NRAP: variants seen among roughly 807,000 people sequenced by gnomAD.
NRAP encodes the protein nebulin-related-anchoring protein.
NRAP carries 189 observed loss-of-function variants against 225.9 expected under a neutral mutation model. That is an observed-to-expected ratio of 0.84 (90% CI 0.74 to 0.94). The LOEUF is 0.94. Ranked by LOEUF, NRAP falls within the 40% of genes least tolerant of loss-of-function variation. The pLI is 0.00. For synonymous variants in NRAP, 769 were observed against 790.7 expected, an observed-to-expected ratio of 0.97 and a Z score of 0.46; for missense variants, 2,176 against 2,168.7, an observed-to-expected ratio of 1.00 and a Z score of -0.07.
intron 3 of NRAP, among the ~76,000 whole-genome samples, chr10:113,660,396 C>T (rs776540546): frequency 2.6e-5 from 4 of 152,026 alleles, no homozygotes; most frequent in African/African-American, 9.7e-5. Context: ...CATATATATA[C>T]ACACATATAC....
intron 3 of NRAP, among the ~76,000 whole-genome samples, chr10:113,661,406 A>AG: frequency 6.6e-6 from 1 of 152,130 alleles, no homozygotes; most frequent in East Asian, 1.9e-4. Context: ...CAAGGTCACT[A>AG]CCTCTATCTC....
chr10:113,620,803 C>T, intron 24 of NRAP, 95 bp from the exon 25 acceptor site: 2 of 833,290 alleles, frequency 2.4e-6, no homozygotes, highest in Admixed American at 4.0e-5. Flanking sequence ...GCCTTGGTGC[C>T]AGCTGAGTCA....
chr10:113,646,006 C>T (rs1849485291), intron 10 of NRAP, 65 bp from the exon 11 acceptor site: 3 of 779,030 alleles, frequency 3.9e-6, no homozygotes, highest in Admixed American at 2.6e-5. Context: ...GGGAATTACT[C>T]CAAAGTTATC....
intron 28 of NRAP, 66 bp from the exon 29 acceptor site, chr10:113,614,362 G>T: frequency 9.1e-7 from 1 of 1,093,348 alleles, no homozygotes; most frequent in Non-Finnish European, 1.4e-6. Context: ...GGAAGAGGTG[G>T]GCATTGGGTG....
chr10:113,648,467 C>CTCTATA (rs749486311), intron 9 of NRAP, among the ~76,000 whole-genome samples: 2,327 of 87,222 alleles, frequency 0.027, 51 homozygotes, highest in Non-Finnish European at 0.032. Context: ...CTCTCTCTCT[C>CTCTATA]TATATATATA....
At chr10:113,645,568 C>A in intron 11 of NRAP, among the ~76,000 whole-genome samples, 1 of 152,170 alleles carries the variant, frequency 6.6e-6, no homozygotes, top group East Asian at 1.9e-4. Flanking sequence ...CAGTCATGCG[C>A]CACCACACCC....
chr10:113,641,524 G>T, intron 12 of NRAP, 52 bp from the exon 13 acceptor site: 1 of 1,054,706 alleles, frequency 9.5e-7, no homozygotes, highest in Non-Finnish European at 1.5e-6. Context: ...ACAAGTAGTT[G>T]AAGATAAACT....
chr10:113,622,213 G>C (rs1229303316), intron 23 of NRAP, 33 bp from the exon 24 acceptor site: 1 of 1,471,868 alleles, frequency 6.8e-7, no homozygotes, highest in Non-Finnish European at 9.5e-7. Flanking sequence ...GGATACATTA[G>C]AACCTCCTAA....
rs11446517 is a variant in NRAP, at chr10:113,620,724, G to GAAAA, written c.2770-20_2770-17dup. The GAAAA allele has an allele frequency of 8.2e-7, 1 of 1,214,854 alleles. No homozygotes were observed. Among genetic ancestry groups the GAAAA allele is most frequent in the Non-Finnish European group, 1.1e-6 (1 of 870,744 alleles). 75.3% of individuals were successfully genotyped at this position (1,214,854 alleles called of 1,614,324 possible). A position where few individuals can be genotyped will look rare whatever the true frequency, so the allele number is the denominator to read the frequency against. The stretch of plus-strand genomic sequence containing the variant: ...TGTATTGGTTCTGACAAAGGAGAAA[G>GAAAA]AAAAAAAAAAAAAGCAGGCCATTGT... On this transcript the variant is annotated splice_polypyrimidine_tract_variant and intron_variant, in intron 24 of 41. Coordinates refer to ENST00000359988, the MANE Select transcript of NRAP (RefSeq NM_198060.4).
chr10:113,646,642 C>T (rs1849527059), intron 10 of NRAP, among the ~76,000 whole-genome samples: 1 of 152,174 alleles, frequency 6.6e-6, no homozygotes, highest in Admixed American at 6.5e-5. Context: ...TCTAATTGGG[C>T]CATTTGGCAA....
Position 113,598,324 on chromosome 10 carries a change from C to T in NRAP, c.4228-251G>A, listed in dbSNP as rs184891166. ...ACCAGTGAATTGGCAGGATTTAAAG[C>T]GAGAGTAACAACCTATGTGGACGAT... On this transcript the variant is annotated intron_variant, in intron 35 of 41. Coordinates refer to ENST00000359988, the MANE Select transcript of NRAP (RefSeq NM_198060.4). Among the ~76,000 whole-genome samples the T allele has an allele frequency of 1.1e-4, 16 of 149,168 alleles. No individual in the cohort carries two copies. The East Asian group carries it at 2.2e-3, about 20-fold the overall frequency.
chr10:113,610,222 C>A (rs1284038205), intron 31 of NRAP, among the ~76,000 whole-genome samples: 2 of 151,760 alleles, frequency 1.3e-5, no homozygotes, highest in Non-Finnish European at 2.9e-5. Flanking sequence ...TGGTGGCACT[C>A]ACCTGTAATC....
rs117471156 is a variant in NRAP, at chr10:113,593,563, G to T, written c.4537-1262C>A. Among the ~76,000 whole-genome samples the T allele has an allele frequency of 1.6e-4, 25 of 152,288 alleles. 1 individual carries two copies. In the East Asian group the frequency reaches 4.8e-3, roughly 29 times the overall value. ...TGGAAATGCAGAACCGTTCGTTCCT[G>T]GGATAATCACCTAACTGATGAATCA... is the stretch of plus-strand genomic sequence containing the variant. On this transcript the variant is annotated intron_variant, in intron 38 of 41. Transcript: ENST00000359988.
At position 113,626,104 on chromosome 10, in the gene NRAP, G is replaced by T; in HGVS notation, c.2187C>A (p.Ser729Arg). The change falls in exon 21 of 42, where the codon AGC (serine) becomes AGA (arginine). Residue 729 changes from serine (S) to arginine (R), a missense_variant. Around this residue, in one of 3 missense-constraint regions of NRAP, gnomAD observed 1,708 missense variants for 1,695.5 expected, o/e 1.01. Transcript: ENST00000359988. ...GCTCCATCTGGGAGCTGTCGGTCAC[G>T]CTGGTGAACTTCAGCTCATCGACCC... ...RQRVDELKFT[S>R]VTDSSQMEHA... 1 of 1,612,008 alleles carries T rather than the reference G, an allele frequency of 6.2e-7. No homozygotes were observed. Among genetic ancestry groups the T allele is most frequent in the Non-Finnish European group, 8.5e-7 (1 of 1,179,326 alleles).
chr10:113,588,934 A>G lies in NRAP; in HGVS notation c.*41T>C, dbSNP rs138944153. 4.2e-4 allele frequency: 637 copies of G among 1,529,778 alleles called. 5 individuals carry two copies. The African/African-American group carries it at 7.9e-3, about 19-fold the overall frequency. The allele number at this position is 1,529,778 out of a possible 1,614,324, so 94.8% of individuals were successfully genotyped here. A position where few individuals can be genotyped will look rare whatever the true frequency, so the allele number is the denominator to read the frequency against. ...ATCTGAAGCCTGTCTCTGGTGAACA[A>G]ACTTCCTCTCTGGCCTCTCAGGAAT... On this transcript the variant is annotated 3_prime_UTR_variant, in exon 42 of 42. Transcript: ENST00000359988.
chr10:113,663,031 T>A (rs1161135039), intron 2 of NRAP, among the ~76,000 whole-genome samples: 2 of 152,224 alleles, frequency 1.3e-5, no homozygotes, highest in Non-Finnish European at 2.9e-5. Context: ...AAAAAAGGAT[T>A]CTGAAATTAT....
At chr10:113,595,379 T>C (rs1846228438) in intron 38 of NRAP, among the ~76,000 whole-genome samples, 1 of 151,406 alleles carries the variant, frequency 6.6e-6, no homozygotes, top group Non-Finnish European at 1.5e-5. Context: ...CAAGTCAGAA[T>C]TTTAGAGCTG....
chr10:113,605,960 G>A, intron 33 of NRAP, 91 bp from the exon 34 acceptor site: 1 of 990,558 alleles, frequency 1.0e-6, no homozygotes, highest in South Asian at 1.4e-5. Context: ...CAGTGTTCCA[G>A]AATCAATTTC....
chr10:113,619,038 G>A (rs1010181562), intron 25 of NRAP, among the ~76,000 whole-genome samples: 11 of 152,162 alleles, frequency 7.2e-5, no homozygotes, highest in African/African-American at 2.4e-4. Context: ...GAAAGTTGCT[G>A]AAAGATGCCT....
Sources: allele counts gnomAD v4.1 joint callset (sites outside exome capture counted in the v4.1 genomes callset), GRCh38; gene constraint gnomAD v4.1.1; regional missense constraint gnomAD v4.1.1; transcripts MANE v1.5; gene names NCBI Gene and HGNC (gene_info 2026-07-23, HGNC 2026-07-21).